Variants in USP53 observed in about 807,000 individuals in gnomAD.
USP53 encodes ubiquitin specific peptidase 53.
Under a neutral mutation model 94.9 loss-of-function variants are expected in USP53, and 71 were observed. That is an observed-to-expected ratio of 0.75 (90% CI 0.62 to 0.91). USP53 has a LOEUF of 0.91. Among genes scored for constraint, USP53 ranks in the 40% least tolerant of loss-of-function variants. The probability of loss-of-function intolerance (pLI) is 0.00; values close to 1 mark genes in which losing one functional copy is unlikely to be tolerated. For synonymous variants in USP53, 375 were observed against 422.7 expected (o/e 0.89, Z 1.39); for missense variants, 1,173 against 1,281.0 (o/e 0.92, Z 1.29).
intron 17 of USP53, among the ~76,000 whole-genome samples, chr4:119,282,725 T>TC (rs370113780): frequency 1.3e-5 from 2 of 151,794 alleles, no homozygotes; most frequent in African/African-American, 2.4e-5. Context: ...AGGAATTTTT[T>TC]CCCAAATTAA....
intron 7 of USP53, among the ~76,000 whole-genome samples, chr4:119,250,007 A>G: frequency 6.6e-6 from 1 of 152,054 alleles, no homozygotes; most frequent in Non-Finnish European, 1.5e-5. Context: ...ATATGATTTT[A>G]TTCAGGTTAA....
chr4:119,283,643 G>A (rs1045860627), intron 17 of USP53, among the ~76,000 whole-genome samples: 4 of 151,788 alleles, frequency 2.6e-5, no homozygotes, highest in African/African-American at 4.8e-5. Context: ...TTTGTGACAC[G>A]TACCAAATGA....
chr4:119,280,181 A>G (rs1753338935), intron 17 of USP53, among the ~76,000 whole-genome samples: 1 of 150,198 alleles, frequency 6.7e-6, no homozygotes, highest in Non-Finnish European at 1.5e-5. Context: ...TAAAGATAGC[A>G]TTAGATTGCT....
In USP53 at chr4:119,279,118, A is replaced by G. The variant is rs1359990569; in HGVS notation, c.2251+5410A>G. 3.0e-3 allele frequency among the ~76,000 whole-genome samples: 450 copies of G among 148,842 alleles called. 3 individuals are homozygous for G. Among genetic ancestry groups the G allele is most frequent in the African/African-American group, 0.01 (408 of 40,630 alleles). Reference sequence around the variant, plus strand: ...TCTCAGCTCGTCAAAGTCATTCTCCATCCAGCTTTGTTCTGTTGCTGGTGA... The same window carrying G: ...TCTCAGCTCGTCAAAGTCATTCTCCGTCCAGCTTTGTTCTGTTGCTGGTGA... On this transcript the variant is annotated intron_variant, in intron 17 of 18. Transcript: ENST00000692078.
intron 17 of USP53, among the ~76,000 whole-genome samples, chr4:119,287,041 A>T (rs1220019345): frequency 6.6e-6 from 1 of 152,018 alleles, no homozygotes; most frequent in Non-Finnish European, 1.5e-5. Context: ...GATTTGTCTC[A>T]ATTCATACTT....
At chr4:119,220,653 T>G (rs1200266352) in intron 3 of USP53, 1 of 152,218 alleles carries the variant, frequency 6.6e-6, no homozygotes. Context: ...TTTAAGAATT[T>G]CTTAAGCATT....
At chr4:119,227,300 A>ACACACACACACACACACACACACACACAC (rs1442892298) in intron 3 of USP53, among the ~76,000 whole-genome samples, 9 of 43,940 alleles carry the variant, frequency 2.0e-4, no homozygotes, top group African/African-American at 7.4e-4. Context: ...CACACACACA[A>ACACACACACACACACACACACACACACAC]ACTTGAAATG....
chr4:119,295,103 A>G lies in USP53; in HGVS notation c.*1892A>G, dbSNP rs952515619. 1.3e-5 allele frequency: 2 copies of G among 152,080 alleles called. No homozygotes were observed. The highest frequency in any genetic ancestry group is 1.3e-4 in the Admixed American group (2 of 15,272). 9.4% of individuals were successfully genotyped at this position (152,080 alleles called of 1,614,324 possible). A position where few individuals can be genotyped will look rare whatever the true frequency, so the allele number is the denominator to read the frequency against. Reference sequence around the variant, plus strand: ...TGTATTATTTGAAACATTTAAACTAATTTTTGTATTTAACAGCAGTCTCAG... The same window carrying G: ...TGTATTATTTGAAACATTTAAACTAGTTTTTGTATTTAACAGCAGTCTCAG... On this transcript the variant is annotated 3_prime_UTR_variant, in exon 19 of 19. Coordinates refer to ENST00000692078, the MANE Select transcript of USP53 (RefSeq NM_001371395.1).
At chr4:119,272,798 C>T (rs1752036725) in intron 16 of USP53, 2 of 152,146 alleles carry the variant, frequency 1.3e-5, no homozygotes, top group African/African-American at 2.4e-5. Context: ...CACTCATTCT[C>T]ATGGAAGAGA....
At chr4:119,244,364 C>G (rs930008384) in intron 5 of USP53, among the ~76,000 whole-genome samples, 8 of 151,882 alleles carry the variant, frequency 5.3e-5, no homozygotes, top group Non-Finnish European at 8.8e-5. Flanking sequence ...ATATTAAAGC[C>G]AGTTTGTTTT....
intron 5 of USP53, among the ~76,000 whole-genome samples, chr4:119,242,045 T>G (rs1361824916): frequency 6.6e-6 from 1 of 152,268 alleles, no homozygotes; most frequent in Non-Finnish European, 1.5e-5. Context: ...GTTTTCACTT[T>G]GAGAAGTTTT....
At position 119,268,449 on chromosome 4, in the gene USP53, A is replaced by C. The variant is rs574675831; in HGVS notation, c.1288+29A>C. 342 of 1,583,846 alleles carry C rather than the reference A, an allele frequency of 2.2e-4. 5 individuals are homozygous for C. In the South Asian group the frequency reaches 3.8e-3, roughly 18 times the overall value. On this transcript the variant is annotated intron_variant, in intron 14 of 18. Transcript: ENST00000692078. ...TGTGTTTAAATTGTCATTTTTACAT[A>C]GTTCCAAGTGAGTGTCCTCCTTTCT... is the stretch of plus-strand genomic sequence containing the variant.
intron 5 of USP53, among the ~76,000 whole-genome samples, chr4:119,240,713 C>T (rs899178874): frequency 6.6e-6 from 1 of 152,068 alleles, no homozygotes; most frequent in Non-Finnish European, 1.5e-5. Flanking sequence ...GACAAATAAA[C>T]ACATGTAGAA....
At chr4:119,224,319 G>T (rs997545153) in intron 3 of USP53, among the ~76,000 whole-genome samples, 1 of 152,128 alleles carries the variant, frequency 6.6e-6, no homozygotes, top group South Asian at 2.1e-4. Flanking sequence ...AAACAGAACC[G>T]ATGTATAAAT....
chr4:119,259,664 A>G (rs1750237541), intron 9 of USP53, among the ~76,000 whole-genome samples, 156 bp from the exon 10 acceptor site: 1 of 152,058 alleles, frequency 6.6e-6, no homozygotes, highest in Non-Finnish European at 1.5e-5. Flanking sequence ...ATAATTTTTC[A>G]CTTTATGGAA....
intron 17 of USP53, among the ~76,000 whole-genome samples, chr4:119,287,995 G>A (rs574615771): frequency 6.6e-6 from 1 of 152,292 alleles, no homozygotes; most frequent in South Asian, 2.1e-4. Context: ...TGTGACTGAT[G>A]TTTTAAAAGA....
intron 4 of USP53, among the ~76,000 whole-genome samples, chr4:119,238,426 G>C (rs1747075288): frequency 6.6e-6 from 1 of 152,168 alleles, no homozygotes; most frequent in Non-Finnish European, 1.5e-5. Context: ...CATGGATTAT[G>C]CTTGCTATCG....
At chr4:119,231,178 C>A (rs1746024204) in intron 3 of USP53, among the ~76,000 whole-genome samples, 1 of 152,160 alleles carries the variant, frequency 6.6e-6, no homozygotes, top group Non-Finnish European at 1.5e-5. Context: ...GAAAGTCCAA[C>A]TTATGTTCAA....
intron 6 of USP53, among the ~76,000 whole-genome samples, chr4:119,245,717 A>G (rs1054620636): frequency 4.6e-5 from 7 of 152,210 alleles, no homozygotes; most frequent in African/African-American, 1.4e-4. Context: ...TTTTGGAGCT[A>G]CTACTGAGTT....
Sources: allele counts gnomAD v4.1 joint callset (sites outside exome capture counted in the v4.1 genomes callset), GRCh38; gene constraint gnomAD v4.1.1; transcripts MANE v1.5; gene names NCBI Gene and HGNC (gene_info 2026-07-23, HGNC 2026-07-21).